Variants in ABL1 observed in about 807,000 individuals in gnomAD.
ABL1 encodes the protein tyrosine-protein kinase ABL1.
In ABL1, 11 loss-of-function variants were observed where a neutral mutation model predicts 94.7. The ratio of observed to expected loss-of-function variants is 0.12; its 90% CI spans 0.07 to 0.19. The LOEUF (loss-of-function observed/expected upper bound fraction) is 0.19. Ranked by LOEUF, ABL1 falls within the 10% of genes least tolerant of loss-of-function variation. The pLI, the probability that ABL1 is intolerant of heterozygous loss-of-function variation, is 1.00. For missense variants in ABL1, 1,082 were observed against 1,489.4 expected (o/e 0.73, Z 4.50); for synonymous variants, 656 against 622.4 (o/e 1.05, Z -0.80).
At chr9:130,838,508 C>T (rs1215223545) in intron 1 of ABL1, among the ~76,000 whole-genome samples, 1 of 152,088 alleles carries the variant, frequency 6.6e-6, no homozygotes, top group Admixed American at 6.5e-5. Context: ...TCATTTTCCC[C>T]ACCTAGAGGC....
At chr9:130,797,854 T>C (rs1488102441) in intron 1 of ABL1, among the ~76,000 whole-genome samples, 1 of 152,206 alleles carries the variant, frequency 6.6e-6, no homozygotes, top group African/African-American at 2.4e-5. Context: ...TGTGTTGTGA[T>C]TCTAGGTGCA....
chr9:130,850,286 A>G (rs1830835410), intron 1 of ABL1, among the ~76,000 whole-genome samples: 1 of 152,262 alleles, frequency 6.6e-6, no homozygotes, highest in Non-Finnish European at 1.5e-5. Context: ...AAAGGAAGAT[A>G]AATTTAACAA....
At chr9:130,836,172 C>T (rs1178942142) in intron 1 of ABL1, among the ~76,000 whole-genome samples, 1 of 152,162 alleles carries the variant, frequency 6.6e-6, no homozygotes, top group Non-Finnish European at 1.5e-5. Flanking sequence ...GGAGGGGAGC[C>T]CATTTAAGAA....
intron 1 of ABL1, among the ~76,000 whole-genome samples, chr9:130,837,660 T>C (rs1830609311): frequency 6.6e-6 from 1 of 152,342 alleles, no homozygotes; most frequent in East Asian, 1.9e-4. Context: ...TTCGTTGTTA[T>C]AGTTAATTAG....
At chr9:130,751,433 G>A (rs111687821) in intron 1 of ABL1, among the ~76,000 whole-genome samples, 4,643 of 152,044 alleles carry the variant, frequency 0.031, 237 homozygotes, top group African/African-American at 0.11. Context: ...ATGAACCACC[G>A]CGCCTGGCCA....
At chr9:130,877,583 C>T (rs1564320725) in intron 7 of ABL1, among the ~76,000 whole-genome samples, 1 of 147,546 alleles carries the variant, frequency 6.8e-6, no homozygotes, top group Non-Finnish European at 1.5e-5. Context: ...CATCATCTGC[C>T]CTCCTCTAGC....
At position 130,863,009 on chromosome 9, in the gene ABL1, C is replaced by T. The variant is rs1247792336; in HGVS notation, c.796C>T (p.Leu266=). The T allele has an allele frequency of 1.2e-6, 2 of 1,609,628 alleles. No homozygotes were observed. The highest frequency in any genetic ancestry group is 1.1e-5 in the South Asian group (1 of 90,770). The change falls in exon 4 of 11, where the codon CTG becomes TTG. Residue 266 remains leucine (L), a synonymous_variant. Transcript: ENST00000318560. The surrounding 1 kb of genome is among the most constrained non-coding windows in gnomAD (Gnocchi z 4.3). Reference sequence around the variant, plus strand: ...CGAGGGCGTGTGGAAGAAATACAGCCTGACGGTGGCCGTGAAGACCTTGAA... The same window carrying T: ...CGAGGGCGTGTGGAAGAAATACAGCTTGACGGTGGCCGTGAAGACCTTGAA... ...VYEGVWKKYS[L]TVAVKTLKED...
chr9:130,873,062 C>T lies in ABL1; in HGVS notation c.1085+25C>T, dbSNP rs750086354. 3.9e-5 allele frequency: 63 copies of T among 1,604,620 alleles called. 1 individual carries two copies. The Middle Eastern group carries it at 5.7e-4, about 14-fold the overall frequency. On this transcript the variant is annotated intron_variant, in intron 6 of 10. Transcript: ENST00000318560. ...GGTAGGGGCCTGGCCAGGCAGCCTG[C>T]GCCATGGAGTCACAGGGCGTGGAGC...
intron 1 of ABL1, among the ~76,000 whole-genome samples, chr9:130,774,201 C>T (rs557829331): frequency 8.9e-4 from 135 of 152,230 alleles, no homozygotes; most frequent in Non-Finnish European, 1.7e-3. Context: ...CCTTTTTGGG[C>T]TAATACAAAT....
chr9:130,816,572 T>A (rs924436036), intron 1 of ABL1, among the ~76,000 whole-genome samples: 29 of 151,790 alleles, frequency 1.9e-4, no homozygotes, highest in African/African-American at 6.8e-4. Flanking sequence ...CTGTCTCAAA[T>A]TCCCTCCAGC....
intron 10 of ABL1, 49 bp from the exon 11 acceptor site, chr9:130,883,920 C>G: frequency 1.3e-6 from 2 of 1,549,094 alleles, no homozygotes; most frequent in Non-Finnish European, 1.7e-6. Context: ...TCTCCTCTGT[C>G]AGCCTCTAGA....
chr9:130,854,024 C>T (rs770749272), intron 1 of ABL1, 40 bp from the exon 2 acceptor site: 3 of 1,551,228 alleles, frequency 1.9e-6, no homozygotes, highest in Non-Finnish European at 2.6e-6. Context: ...CCAATTTTCT[C>T]TTCCTTTTTC....
intron 1 of ABL1, among the ~76,000 whole-genome samples, chr9:130,738,110 A>C (rs1831768815): frequency 6.6e-6 from 1 of 152,130 alleles, no homozygotes; most frequent in African/African-American, 2.4e-5. Context: ...GATTACAGGC[A>C]TGAGCCACTG....
chr9:130,880,395 G>T lies in ABL1; in HGVS notation c.1514-105G>T, dbSNP rs538648467. On this transcript the variant is annotated intron_variant, in intron 9 of 10. Transcript: ENST00000318560. This position sits in a 1 kb window ranked among gnomAD's most constrained non-coding sequence, Gnocchi z 4.4. ...CCACGTGCCTTTTCTTTAGTTGTAT[G>T]CAGATGAGCACTGTTACCTTACAAA... is the stretch of plus-strand genomic sequence containing the variant. 2.9e-6 allele frequency: 4 copies of T among 1,372,534 alleles called. No individual in the cohort carries two copies. The Admixed American group carries it at 8.6e-5, about 30-fold the overall frequency. The allele number at this position is 1,372,534 out of a possible 1,614,324, so 85.0% of individuals were successfully genotyped here. A position where few individuals can be genotyped will look rare whatever the true frequency, so the allele number is the denominator to read the frequency against.
At position 130,884,003 on chromosome 9, in the gene ABL1, G is replaced by T; in HGVS notation, c.1713G>T (p.Leu571Phe). Residue 571 changes from leucine to phenylalanine, a missense_variant, in exon 11 of 11, where the codon TTG becomes TTT. This residue lies in a region of ABL1 where 780 missense variants were observed against 835.8 expected (regional missense o/e 0.93). Coordinates refer to ENST00000318560, the MANE Select transcript of ABL1 (RefSeq NM_005157.6). This position sits in a 1 kb window ranked among gnomAD's most constrained non-coding sequence, Gnocchi z 5.6. ...PLDHEPAVSP[L>F]LPRKERGPPE... ...ACCATGAGCCTGCCGTGTCTCCATT[G>T]CTCCCTCGAAAAGAGCGAGGTCCCC... 1.9e-6 allele frequency: 3 copies of T among 1,613,444 alleles called. No homozygotes were observed. The highest frequency in any genetic ancestry group is 2.5e-6 in the Non-Finnish European group (3 of 1,179,944).
rs562700773 is a variant in ABL1 at position 130,835,849 on chromosome 9, C to T, written c.79+324C>T. ...CCCGGCACCAGCCCCGGTAGAGCCACGCCGGATGGTGACGGCGGCGTCCGG... is the reference window on the plus strand; with the variant it reads ...CCCGGCACCAGCCCCGGTAGAGCCATGCCGGATGGTGACGGCGGCGTCCGG... On this transcript the variant is annotated intron_variant, in intron 1 of 10. Coordinates refer to ENST00000318560, the MANE Select transcript of ABL1 (RefSeq NM_005157.6). This position sits in a 1 kb window ranked among gnomAD's most constrained non-coding sequence, Gnocchi z 4.6. Among the ~76,000 whole-genome samples, 19 of 152,374 alleles carry T rather than the reference C, an allele frequency of 1.2e-4. No homozygotes were observed. In the East Asian group the frequency reaches 3.5e-3, roughly 28 times the overall value.
chr9:130,848,517 CAAAA>C (rs34492912), intron 1 of ABL1, among the ~76,000 whole-genome samples: 7 of 86,504 alleles, frequency 8.1e-5, no homozygotes, highest in Admixed American at 1.2e-4. Flanking sequence ...GACTCCAACT[CAAAA>C]AAAAAAAAAA....
chr9:130,833,041 T>G (rs1326026033), upstream of ABL1, among the ~76,000 whole-genome samples: 1 of 151,708 alleles, frequency 6.6e-6, no homozygotes, highest in African/African-American at 2.4e-5. Flanking sequence ...TAAGAGGATT[T>G]AAGAGGATAA....
chr9:130,773,398 A>C (rs975364161), intron 1 of ABL1, among the ~76,000 whole-genome samples: 12 of 152,122 alleles, frequency 7.9e-5, no homozygotes, highest in Non-Finnish European at 1.2e-4. Flanking sequence ...AAAACTGTAA[A>C]CGTCTTGGCA....
Sources: allele counts gnomAD v4.1 joint callset (sites outside exome capture counted in the v4.1 genomes callset), GRCh38; gene constraint gnomAD v4.1.1; regional missense constraint gnomAD v4.1.1; non-coding constraint Gnocchi (gnomAD v3.1); transcripts MANE v1.5; gene names NCBI Gene and HGNC (gene_info 2026-07-23, HGNC 2026-07-21).